PALLD: variants seen among roughly 807,000 people sequenced by gnomAD.
The protein encoded by PALLD is palladin, cytoskeletal associated protein.
In PALLD, 61 loss-of-function variants were observed where a neutral mutation model predicts 123.5. The observed-to-expected ratio is 0.49, with a 90% CI of 0.40 to 0.61. PALLD has a LOEUF of 0.61. Among genes scored for constraint, PALLD ranks in the 20% least tolerant of loss-of-function variants. PALLD has a pLI of 0.00. For synonymous variants in PALLD, 465 were observed against 496.4 expected (o/e 0.94, Z 0.84); for missense variants, 1,273 against 1,377.0 (o/e 0.92, Z 1.20).
At chr4:168,624,422 AC>A (rs1452587091) in intron 2 of PALLD, among the ~76,000 whole-genome samples, 2 of 152,174 alleles carry the variant, frequency 1.3e-5, no homozygotes, top group Non-Finnish European at 2.9e-5. Flanking sequence ...GCTTCTAAGA[AC>A]AAATTAATAT....
At chr4:168,705,935 G>A (rs979472021) in intron 8 of PALLD, among the ~76,000 whole-genome samples, 3 of 152,146 alleles carry the variant, frequency 2.0e-5, no homozygotes, top group Non-Finnish European at 4.4e-5. Flanking sequence ...GAGCCACTGC[G>A]CCTGGCCTTA....
chr4:168,583,462 A>T (rs1163023673), intron 2 of PALLD, among the ~76,000 whole-genome samples: 1 of 152,200 alleles, frequency 6.6e-6, no homozygotes, highest in East Asian at 1.9e-4. Flanking sequence ...CCACAATCAC[A>T]AAGAGCTCCC....
chr4:168,563,746 G>A (rs1768088693), intron 2 of PALLD, among the ~76,000 whole-genome samples: 1 of 152,150 alleles, frequency 6.6e-6, no homozygotes, highest in African/African-American at 2.4e-5. Context: ...TCCAAGAACA[G>A]GTAGTTCTCC....
intron 10 of PALLD, among the ~76,000 whole-genome samples, chr4:168,718,057 G>A (rs191706470): frequency 6.6e-6 from 1 of 152,304 alleles, no homozygotes; most frequent in African/African-American, 2.4e-5. Context: ...TGCCAGACTT[G>A]TGGTGAAGGG....
chr4:168,867,915 A>T (rs1028955814), intron 10 of PALLD, among the ~76,000 whole-genome samples: 4 of 152,006 alleles, frequency 2.6e-5, no homozygotes, highest in African/African-American at 4.8e-5. Flanking sequence ...AGAAAAAAAA[A>T]AAAAGAAAAA....
intron 2 of PALLD, among the ~76,000 whole-genome samples, chr4:168,629,738 T>G (rs919086989): frequency 6.6e-6 from 1 of 152,104 alleles, no homozygotes; most frequent in Non-Finnish European, 1.5e-5. Context: ...TAGTTCTCAT[T>G]TGGAGCACAA....
chr4:168,629,166 G>A (rs529228882), intron 2 of PALLD, among the ~76,000 whole-genome samples: 5 of 152,060 alleles, frequency 3.3e-5, no homozygotes, highest in East Asian at 1.9e-4. Context: ...ACAGGTGCCC[G>A]TTGCCATGCC....
intron 1 of PALLD, among the ~76,000 whole-genome samples, chr4:168,499,012 T>C (rs1374906162): frequency 6.6e-6 from 1 of 151,740 alleles, no homozygotes; most frequent in Non-Finnish European, 1.5e-5. Flanking sequence ...TTTAAAACTG[T>C]AGGATAAATA....
intron 10 of PALLD, among the ~76,000 whole-genome samples, chr4:168,860,451 T>C (rs1011110003): frequency 2.0e-5 from 3 of 152,084 alleles, no homozygotes; most frequent in African/African-American, 7.2e-5. Flanking sequence ...GAGATGGGAG[T>C]ACTCTTCTTG....
chr4:168,505,184 TA>T (rs1761884293), intron 1 of PALLD, among the ~76,000 whole-genome samples: 1 of 152,196 alleles, frequency 6.6e-6, no homozygotes, highest in African/African-American at 2.4e-5. Context: ...CCCGCGGCAA[TA>T]ACTGGCTTGC....
chr4:168,824,303 A>G (rs1342438898), intron 10 of PALLD, among the ~76,000 whole-genome samples: 1 of 152,054 alleles, frequency 6.6e-6, no homozygotes, highest in Admixed American at 6.6e-5. Flanking sequence ...CAATCCTCTT[A>G]AGTGAATACT....
chr4:168,572,485 C>T (rs1190489962), intron 2 of PALLD, among the ~76,000 whole-genome samples: 3 of 152,048 alleles, frequency 2.0e-5, no homozygotes, highest in Admixed American at 6.6e-5. Flanking sequence ...TTAAGGGGAA[C>T]CTCCACCTTT....
At chr4:168,589,442 G>A (rs540380922) in intron 2 of PALLD, among the ~76,000 whole-genome samples, 26 of 152,062 alleles carry the variant, frequency 1.7e-4, no homozygotes, top group South Asian at 8.3e-4. Flanking sequence ...TTTTTTGTCC[G>A]TTTCCTCCTG....
chr4:168,689,827 G>A (rs1410262570), intron 6 of PALLD, among the ~76,000 whole-genome samples: 9 of 152,178 alleles, frequency 5.9e-5, no homozygotes, highest in Admixed American at 1.3e-4. Context: ...TCTGGAGAAG[G>A]AGGGTAGAGA....
chr4:168,815,885 TC>T (rs778869067), intron 10 of PALLD, among the ~76,000 whole-genome samples: 8 of 152,242 alleles, frequency 5.3e-5, no homozygotes, highest in Admixed American at 1.3e-4. Context: ...GGATATTTAA[TC>T]ACTTAAGGGT....
intron 14 of PALLD, among the ~76,000 whole-genome samples, chr4:168,902,761 A>C (rs1317345081): frequency 1.1e-4 from 17 of 152,114 alleles, no homozygotes; most frequent in Admixed American, 1.1e-3. Flanking sequence ...TATTTAATCA[A>C]AATTTACTTT....
chr4:168,913,507 A>G (rs1171274998), intron 15 of PALLD, among the ~76,000 whole-genome samples: 1 of 152,174 alleles, frequency 6.6e-6, no homozygotes, highest in Admixed American at 6.5e-5. Context: ...GAAATCATCT[A>G]GGTTTGATTT....
At chr4:168,839,700 T>C (rs1745758352) in intron 10 of PALLD, among the ~76,000 whole-genome samples, 1 of 152,104 alleles carries the variant, frequency 6.6e-6, no homozygotes, top group Non-Finnish European at 1.5e-5. Flanking sequence ...AAGAGTTTAG[T>C]TTTGAACATT....
chr4:168,774,381 T>C (rs758591192), intron 10 of PALLD, among the ~76,000 whole-genome samples: 4 of 152,156 alleles, frequency 2.6e-5, no homozygotes, highest in Admixed American at 2.0e-4. Context: ...ACGTATGCAA[T>C]GTAATAAGTT....
Sources: gnomAD v4.1 joint callset for allele counts (sites outside exome capture counted in the v4.1 genomes callset) on GRCh38, gnomAD v4.1.1 for gene constraint, MANE v1.5 for transcripts, NCBI Gene and HGNC (gene_info 2026-07-23, HGNC 2026-07-21) for gene names.